Variants in KLRG1 observed in about 807,000 individuals in gnomAD.
KLRG1 encodes killer cell lectin like receptor G1, also known as killer cell lectin-like receptor subfamily G member 1.
Under a neutral mutation model 21.8 loss-of-function variants are expected in KLRG1, and 16 were observed. The ratio of observed to expected loss-of-function variants is 0.73; its 90% CI spans 0.50 to 1.11. KLRG1 has a LOEUF of 1.11. Ranked by LOEUF, KLRG1 falls within the 50% of genes most tolerant of loss-of-function variation. The probability of loss-of-function intolerance (pLI) is 0.00; values close to 1 mark genes in which losing one functional copy is unlikely to be tolerated. For synonymous variants in KLRG1, 69 were observed against 75.9 expected (o/e 0.91, Z 0.47); for missense variants, 173 against 218.3 (o/e 0.79, Z 1.31).
chr12:9,201,138 G>T, the KLRG1 span: 1 of 1,539,488 alleles, frequency 6.5e-7, no homozygotes. Flanking sequence ...TTTTGAAGGT[G>T]ATAATTAGCA....
the KLRG1 span, chr12:9,099,441 A>G: frequency 1.2e-6 from 2 of 1,601,246 alleles, no homozygotes; most frequent in Non-Finnish European, 1.7e-6. Context: ...CGTCCCCGGT[A>G]GGTAAAACAG....
chr12:9,183,474 A>AC, the KLRG1 span, among the ~76,000 whole-genome samples: 1 of 152,202 alleles, frequency 6.6e-6, no homozygotes, highest in East Asian at 1.9e-4. Context: ...ATCATAGCTC[A>AC]CTGCAGCCTC....
chr12:9,025,346 T>C, the KLRG1 span, among the ~76,000 whole-genome samples: 1 of 152,040 alleles, frequency 6.6e-6, no homozygotes, highest in African/African-American at 2.4e-5. Context: ...TAAAAATGCA[T>C]GTGGGTGTGG....
the KLRG1 span, among the ~76,000 whole-genome samples, chr12:9,100,697 A>G: frequency 4.6e-5 from 7 of 152,370 alleles, no homozygotes; most frequent in East Asian, 1.3e-3. Flanking sequence ...CTTTTAATTA[A>G]TATTAGATGG....
the KLRG1 span, among the ~76,000 whole-genome samples, chr12:9,214,593 A>G: frequency 1.3e-5 from 2 of 152,020 alleles, no homozygotes; most frequent in Non-Finnish European, 2.9e-5. Context: ...ATACAGAAAT[A>G]ATTTTACTTT....
At chr12:8,950,512 C>T (rs545672732) in intron 1 of KLRG1, among the ~76,000 whole-genome samples, 2 of 152,338 alleles carry the variant, frequency 1.3e-5, no homozygotes, top group East Asian at 3.9e-4. Context: ...CGTGCATTCA[C>T]TCTCTTCAGA....
the KLRG1 span, chr12:9,077,575 T>A: frequency 6.7e-7 from 1 of 1,499,724 alleles, no homozygotes. Flanking sequence ...CCCCTCTTTT[T>A]TGGTGCCATC....
the KLRG1 span, chr12:9,149,653 G>A: frequency 6.3e-7 from 1 of 1,576,120 alleles, no homozygotes. Context: ...ATGAACTAGG[G>A]ACCATGCTAA....
chr12:9,165,445 A>G, the KLRG1 span: 1 of 1,507,664 alleles, frequency 6.6e-7, no homozygotes, highest in Admixed American at 1.8e-5. Flanking sequence ...ATATGCATAA[A>G]GCTAACGTCA....
chr12:9,017,759 A>G, the KLRG1 span, among the ~76,000 whole-genome samples: 1 of 152,208 alleles, frequency 6.6e-6, no homozygotes, highest in African/African-American at 2.4e-5. Flanking sequence ...TGGATGTCCT[A>G]GCTAGAGCAA....
chr12:9,207,019 G>A, the KLRG1 span, among the ~76,000 whole-genome samples: 1 of 152,096 alleles, frequency 6.6e-6, no homozygotes. Context: ...AGGGATAGTG[G>A]GGGAGAAATG....
At chr12:9,192,716 C>T in the KLRG1 span, 1 of 1,612,336 alleles carries the variant, frequency 6.2e-7, no homozygotes, top group Non-Finnish European at 8.5e-7. Context: ...AGTGAAAACA[C>T]AAGTTGGGAT....
chr12:8,986,634 T>C (rs1182076451), upstream of KLRG1, among the ~76,000 whole-genome samples: 1 of 152,076 alleles, frequency 6.6e-6, no homozygotes, highest in Non-Finnish European at 1.5e-5. Flanking sequence ...TCCTCCAAGC[T>C]TATTTTGTAC....
chr12:8,950,374 C>G (rs1302921285), intron 1 of KLRG1: 2 of 152,318 alleles, frequency 1.3e-5, no homozygotes, highest in East Asian at 3.9e-4. Flanking sequence ...TAGGAAGAAA[C>G]GAGCAATACG....
At chr12:9,099,434 C>T in the KLRG1 span, 2 of 1,594,738 alleles carry the variant, frequency 1.3e-6, no homozygotes, top group Non-Finnish European at 1.7e-6. Flanking sequence ...CCAATCACGT[C>T]CCCGGTAGGT....
At chr12:9,180,997 G>T in the KLRG1 span, 1 of 1,613,748 alleles carries the variant, frequency 6.2e-7, no homozygotes, top group South Asian at 1.1e-5. Context: ...GACACAGAGA[G>T]CTCAGCCTCA....
chr12:9,152,433 T>C, the KLRG1 span: 1 of 725,010 alleles, frequency 1.4e-6, no homozygotes, highest in Middle Eastern at 3.1e-4. Context: ...TCTACAAAGG[T>C]CTGTGTTCCC....
At chr12:9,131,963 A>G in the KLRG1 span, among the ~76,000 whole-genome samples, 1 of 152,094 alleles carries the variant, frequency 6.6e-6, no homozygotes, top group African/African-American at 2.4e-5. Flanking sequence ...TGTTTGGGCA[A>G]TGAGATATAA....
At chr12:9,083,280 A>G in the KLRG1 span, among the ~76,000 whole-genome samples, 1 of 152,122 alleles carries the variant, frequency 6.6e-6, no homozygotes, top group African/African-American at 2.4e-5. Context: ...TAGGAGATAT[A>G]GCTAATGTAA....
Sources: gnomAD v4.1 joint callset for allele counts (sites outside exome capture counted in the v4.1 genomes callset) on GRCh38, gnomAD v4.1.1 for gene constraint, MANE v1.5 for transcripts, NCBI Gene and HGNC (gene_info 2026-07-23, HGNC 2026-07-21) for gene names.